Variants in NELL1 observed in about 807,000 individuals in gnomAD.
The protein encoded by NELL1 is neural EGFL like 1.
NELL1 carries 76 observed loss-of-function variants against 107.4 expected under a neutral mutation model. The observed-to-expected ratio is 0.71, with a 90% CI of 0.59 to 0.86. NELL1 has a LOEUF of 0.86. Ranked by LOEUF, NELL1 falls within the 40% of genes least tolerant of loss-of-function variation. NELL1 has a pLI of 0.00. For missense variants in NELL1, 1,024 were observed against 1,005.5 expected (o/e 1.02, Z -0.25); for synonymous variants, 353 against 341.2 (o/e 1.03, Z -0.38).
At position 21,312,011 on chromosome 11, in the gene NELL1, A is replaced by T. The variant is rs554819343; in HGVS notation, c.1550-58842A>T. On this transcript the variant is annotated intron_variant, in intron 14 of 19. Coordinates refer to ENST00000357134, the MANE Select transcript of NELL1 (RefSeq NM_006157.5). ...AGGTCCTTCCACCATGCAAGGACAC[A>T]TCAAGAAAGCACCATCTGTGAACCA... Among the ~76,000 whole-genome samples the T allele has an allele frequency of 1.5e-3, 234 of 152,276 alleles. 5 individuals are homozygous for T. The South Asian group carries it at 0.048, about 31-fold the overall frequency.
At chr11:21,411,763 G>C (rs1852382557) in intron 15 of NELL1, among the ~76,000 whole-genome samples, 1 of 152,086 alleles carries the variant, frequency 6.6e-6, no homozygotes, top group African/African-American at 2.4e-5. Flanking sequence ...AATGATTCAG[G>C]TGAGGTGAAT....
At chr11:21,116,674 C>T (rs992398826) in intron 13 of NELL1, among the ~76,000 whole-genome samples, 1 of 151,986 alleles carries the variant, frequency 6.6e-6, no homozygotes, top group Non-Finnish European at 1.5e-5. Context: ...AGGGGTTACA[C>T]TTGATCACCC....
Position 21,232,179 on chromosome 11 carries a change from A to AT in NELL1, c.1549+2725_1549+2726insT, listed in dbSNP as rs1565122814. Among the ~76,000 whole-genome samples the AT allele has an allele frequency of 1.8e-3, 196 of 111,538 alleles. 9 individuals carry two copies. Among genetic ancestry groups the AT allele is most frequent in the Non-Finnish European group, 3.0e-3 (167 of 55,150 alleles). The allele number at this position is 111,538 out of a possible 152,430, so 73.2% of individuals were successfully genotyped here. A position where few individuals can be genotyped will look rare whatever the true frequency, so the allele number is the denominator to read the frequency against. On this transcript the variant is annotated intron_variant, in intron 14 of 19. Coordinates refer to ENST00000357134, the MANE Select transcript of NELL1 (RefSeq NM_006157.5). ...AAAAAAATATATATATATATATATA[A>AT]ATTAGCTGGGCGTGGTGGTGTCCAC...
chr11:20,904,814 G>GT lies in NELL1; in HGVS notation c.604-13359dup, dbSNP rs1271868131. 1.6e-4 allele frequency among the ~76,000 whole-genome samples: 24 copies of GT among 150,802 alleles called. No homozygotes were observed. In the South Asian group the frequency reaches 4.4e-3, roughly 28 times the overall value. On this transcript the variant is annotated intron_variant, in intron 5 of 19. Transcript: ENST00000357134. ...AATCCCTGTCAAAATTTTTTTTTAAGTTTTTTTTTCTTTCTTTCTTTTTTC... is the reference window on the plus strand; with the variant it reads ...AATCCCTGTCAAAATTTTTTTTTAAGTTTTTTTTTTCTTTCTTTCTTTTTTC...
intron 13 of NELL1, among the ~76,000 whole-genome samples, chr11:21,126,493 C>G (rs1436069617): frequency 1.3e-5 from 2 of 152,204 alleles, no homozygotes; most frequent in Non-Finnish European, 2.9e-5. Context: ...CTCTTACAAG[C>G]TTTGGAGTCT....
intron 12 of NELL1, among the ~76,000 whole-genome samples, chr11:21,071,507 G>A (rs758672415): frequency 3.3e-5 from 5 of 152,100 alleles, no homozygotes; most frequent in African/African-American, 1.2e-4. Context: ...AATATTTTGC[G>A]GCTGGAAGAC....
At chr11:21,340,620 TAC>T (rs71034506) in intron 14 of NELL1, among the ~76,000 whole-genome samples, 6,966 of 141,680 alleles carry the variant, frequency 0.049, 192 homozygotes, top group African/African-American at 0.072. Context: ...TATGACGGGT[TAC>T]ACACACACAC....
In NELL1 at chr11:20,927,358, G is replaced by A. The variant is rs35857355; in HGVS notation, c.810G>A (p.Glu270=). 2 of 1,613,280 alleles carry A rather than the reference G, an allele frequency of 1.2e-6. No individual in the cohort carries two copies. The highest frequency in any genetic ancestry group is 8.5e-7 in the Non-Finnish European group (1 of 1,179,672). Residue 270 remains glutamate (E), a synonymous_variant, in exon 8 of 20, where the codon GAG becomes GAA. Coordinates refer to ENST00000357134, the MANE Select transcript of NELL1 (RefSeq NM_006157.5). ...RLSQLENCHC[E]KTCQVSGLLY... ...GTCAATTGGAAAACTGTCATTGTGAGAAGACTTGTCAAGTGAGTGGACTGC... is the reference window on the plus strand; with the variant it reads ...GTCAATTGGAAAACTGTCATTGTGAAAAGACTTGTCAAGTGAGTGGACTGC...
intron 14 of NELL1, among the ~76,000 whole-genome samples, chr11:21,249,683 A>G (rs1359091215): frequency 6.6e-6 from 1 of 152,216 alleles, no homozygotes; most frequent in African/African-American, 2.4e-5. Flanking sequence ...AAATTGAATC[A>G]AGGAAATGCA....
chr11:21,555,970 T>C (rs1856694082), intron 16 of NELL1, among the ~76,000 whole-genome samples: 1 of 151,974 alleles, frequency 6.6e-6, no homozygotes, highest in African/African-American at 2.4e-5. Context: ...TTGAAATTTA[T>C]TGTGCAGGTT....
At chr11:21,524,511 G>C (rs1190154824) in intron 15 of NELL1, among the ~76,000 whole-genome samples, 1 of 152,096 alleles carries the variant, frequency 6.6e-6, no homozygotes, top group Non-Finnish European at 1.5e-5. Context: ...ATTAAGATTT[G>C]TGCTTGGATT....
chr11:21,281,048 C>G (rs1032482666), intron 14 of NELL1, among the ~76,000 whole-genome samples: 1 of 151,380 alleles, frequency 6.6e-6, no homozygotes, highest in Non-Finnish European at 1.5e-5. Flanking sequence ...CCAAGGAGAC[C>G]CCTTTCTTCT....
At chr11:21,500,496 C>G (rs1250159169) in intron 15 of NELL1, among the ~76,000 whole-genome samples, 1 of 151,980 alleles carries the variant, frequency 6.6e-6, no homozygotes, top group East Asian at 1.9e-4. Flanking sequence ...ATTATTTGTC[C>G]TTTATGACTT....
chr11:21,083,558 T>C (rs1320028619), intron 12 of NELL1, among the ~76,000 whole-genome samples: 1 of 152,026 alleles, frequency 6.6e-6, no homozygotes, highest in Non-Finnish European at 1.5e-5. Flanking sequence ...ACAGGGTGAG[T>C]GGAAGGACCA....
chr11:20,837,635 A>G (rs957864938), intron 3 of NELL1, among the ~76,000 whole-genome samples: 1 of 152,114 alleles, frequency 6.6e-6, no homozygotes. Flanking sequence ...AGTACTAGAA[A>G]GTAAGGAAAT....
At chr11:21,496,469 G>T (rs1854983916) in intron 15 of NELL1, among the ~76,000 whole-genome samples, 1 of 149,636 alleles carries the variant, frequency 6.7e-6, no homozygotes, top group South Asian at 2.1e-4. Flanking sequence ...GAGTGCAGTG[G>T]CATGGTCTCA....
At chr11:20,753,084 A>G (rs1294817238) in intron 2 of NELL1, among the ~76,000 whole-genome samples, 1 of 152,232 alleles carries the variant, frequency 6.6e-6, no homozygotes, top group Non-Finnish European at 1.5e-5. Flanking sequence ...TAATTTGGTT[A>G]TAACAGGAAG....
At chr11:21,185,272 A>G (rs906301275) in intron 13 of NELL1, among the ~76,000 whole-genome samples, 2 of 148,542 alleles carry the variant, frequency 1.3e-5, no homozygotes, top group African/African-American at 2.5e-5. Flanking sequence ...CTAGGAACAT[A>G]CTTGTATTTA....
chr11:21,040,967 C>T (rs908908892), intron 12 of NELL1, among the ~76,000 whole-genome samples: 4 of 152,184 alleles, frequency 2.6e-5, no homozygotes, highest in African/African-American at 4.8e-5. Context: ...GCAATGTCAC[C>T]TGCTGTGGCT....
Sources: allele counts gnomAD v4.1 joint callset (sites outside exome capture counted in the v4.1 genomes callset), GRCh38; gene constraint gnomAD v4.1.1; transcripts MANE v1.5; gene names NCBI Gene and HGNC (gene_info 2026-07-23, HGNC 2026-07-21).